CRACD: variants seen among roughly 807,000 people sequenced by gnomAD.
CRACD encodes the protein capping protein-inhibiting regulator of actin dynamics.
CRACD carries 56 observed loss-of-function variants against 106.8 expected under a neutral mutation model. That is an observed-to-expected ratio of 0.52 (90% CI 0.42 to 0.66). CRACD has a LOEUF of 0.66. Ranked by LOEUF, CRACD falls within the 30% of genes least tolerant of loss-of-function variation. CRACD has a pLI of 0.00. For synonymous variants in CRACD, 754 were observed against 670.8 expected, an observed-to-expected ratio of 1.12 and a Z score of -1.92; for missense variants, 1,730 against 1,623.2, an observed-to-expected ratio of 1.07 and a Z score of -1.13.
chr4:56,227,933 T>G (rs1051699077), intron 2 of CRACD, among the ~76,000 whole-genome samples: 1 of 152,182 alleles, frequency 6.6e-6, no homozygotes, highest in African/African-American at 2.4e-5. Context: ...GCGCTTAACC[T>G]CTACCTGTAG....
At chr4:56,225,641 T>TA (rs1739262833) in intron 2 of CRACD, among the ~76,000 whole-genome samples, 2 of 152,142 alleles carry the variant, frequency 1.3e-5, no homozygotes, top group Non-Finnish European at 2.9e-5. Context: ...AATCTTATTA[T>TA]AAAGGGAAAA....
chr4:56,184,711 G>A (rs1197091998), intron 2 of CRACD, among the ~76,000 whole-genome samples: 1 of 152,206 alleles, frequency 6.6e-6, no homozygotes, highest in Non-Finnish European at 1.5e-5. Context: ...ATTCAGGTAA[G>A]TACTCGGCTT....
chr4:56,239,887 A>T (rs2109558383), intron 2 of CRACD, among the ~76,000 whole-genome samples: 1 of 152,258 alleles, frequency 6.6e-6, no homozygotes, highest in East Asian at 1.9e-4. Flanking sequence ...GAATATGCAC[A>T]CTTTAGACAG....
intron 1 of CRACD, among the ~76,000 whole-genome samples, chr4:56,064,351 T>C (rs1732386408): frequency 6.6e-6 from 1 of 152,226 alleles, no homozygotes; most frequent in African/African-American, 2.4e-5. Flanking sequence ...TAGTTATCCA[T>C]GAATGTGAAA....
chr4:56,149,287 A>G (rs13131391), intron 1 of CRACD, among the ~76,000 whole-genome samples: 1 of 152,156 alleles, frequency 6.6e-6, no homozygotes, highest in South Asian at 2.1e-4. Flanking sequence ...CTCTGTTTCT[A>G]TCCCATTGTA....
chr4:56,294,420 A>C (rs1743871857), intron 3 of CRACD, among the ~76,000 whole-genome samples: 3 of 152,208 alleles, frequency 2.0e-5, no homozygotes. Context: ...AAACCTATCA[A>C]AATATGTACA....
intron 1 of CRACD, among the ~76,000 whole-genome samples, chr4:56,065,903 A>G (rs566613240): frequency 6.6e-6 from 1 of 152,210 alleles, no homozygotes; most frequent in East Asian, 1.9e-4. Context: ...GAATTTGCCT[A>G]TTCCTGATTC....
intron 5 of CRACD, chr4:56,309,118 C>A: frequency 2.4e-6 from 1 of 412,284 alleles, no homozygotes; most frequent in South Asian, 1.8e-5. Flanking sequence ...AAGTGAGTAA[C>A]TTGGTGGTGG....
chr4:56,074,835 C>T (rs1732782568), intron 1 of CRACD, among the ~76,000 whole-genome samples: 12 of 152,164 alleles, frequency 7.9e-5, no homozygotes, highest in Admixed American at 7.2e-4. Context: ...TCATGAATAG[C>T]TCTTATTATT....
At chr4:56,258,330 G>A (rs895049965) in intron 2 of CRACD, among the ~76,000 whole-genome samples, 1 of 152,156 alleles carries the variant, frequency 6.6e-6, no homozygotes, top group Non-Finnish European at 1.5e-5. Context: ...CCAAACCAAT[G>A]TGCACTTTTA....
intron 1 of CRACD, among the ~76,000 whole-genome samples, chr4:56,075,266 A>G (rs1329859160): frequency 6.6e-6 from 1 of 152,188 alleles, no homozygotes; most frequent in Non-Finnish European, 1.5e-5. Context: ...GAATGTTACC[A>G]GCTCCTCTTT....
In CRACD at chr4:56,307,706, C is replaced by A; in HGVS notation, c.285+7C>A. ...CTCAGACGCAGAGAACAAGGTAAGT[C>A]TCCTCCAGGGAATGACTTGATGGCT... On this transcript the variant is annotated splice_region_variant and intron_variant, in intron 5 of 10. Transcript: ENST00000682029. 1 of 1,613,924 alleles carries A rather than the reference C, an allele frequency of 6.2e-7. No homozygotes were observed. Among genetic ancestry groups the A allele is most frequent in the South Asian group, 1.1e-5 (1 of 91,046 alleles).
rs765204431 is a variant in CRACD, at chr4:56,314,212, G to C, written c.710G>C (p.Arg237Pro). 10 of 1,608,068 alleles carry C rather than the reference G, an allele frequency of 6.2e-6. No individual in the cohort carries two copies. In the South Asian group the frequency reaches 7.8e-5, roughly 12 times the overall value. The change falls in exon 8 of 11, where the codon CGG becomes CCG. Residue 237 changes from arginine (R) to proline (P), a missense_variant. Arg to Pro is a moderately radical substitution (Grantham distance 103). Transcript: ENST00000682029. The surrounding 1 kb of genome is among the most constrained non-coding windows in gnomAD (Gnocchi z 4.4). ...YWRELEAKCKRQKAEAAEKRR... is the reference protein window; with the variant it reads ...YWRELEAKCKPQKAEAAEKRR... ...CGAGAACTGGAGGCCAAGTGCAAGC[G>C]GCAAAAGGCGGAAGCAGCCGAGAAG...
chr4:56,146,562 C>A (rs1353009730), intron 1 of CRACD, among the ~76,000 whole-genome samples: 1 of 30,418 alleles, frequency 3.3e-5, no homozygotes, highest in Non-Finnish European at 4.9e-5. Context: ...AATGCTATCC[C>A]TCCCCCCTCC....
At chr4:56,162,198 TA>T (rs1735984682) in intron 1 of CRACD, among the ~76,000 whole-genome samples, 1 of 150,372 alleles carries the variant, frequency 6.7e-6, no homozygotes, top group Non-Finnish European at 1.5e-5. Flanking sequence ...TAAAAATTAT[TA>T]TTATTTTTTT....
chr4:56,117,355 T>A (rs1308764608), intron 1 of CRACD, among the ~76,000 whole-genome samples: 1 of 152,074 alleles, frequency 6.6e-6, no homozygotes, highest in Non-Finnish European at 1.5e-5. Flanking sequence ...TTTTCCATAA[T>A]GAAACTTGAG....
At chr4:56,157,669 A>C (rs1577699762) in intron 1 of CRACD, among the ~76,000 whole-genome samples, 1 of 152,204 alleles carries the variant, frequency 6.6e-6, no homozygotes, top group Non-Finnish European at 1.5e-5. Context: ...ACTATGAAAG[A>C]AAACCATATG....
At chr4:56,317,965 G>T (rs1745792567) in intron 8 of CRACD, among the ~76,000 whole-genome samples, 1 of 151,926 alleles carries the variant, frequency 6.6e-6, no homozygotes, top group Non-Finnish European at 1.5e-5. Flanking sequence ...GTAAAGTATG[G>T]GTCAAAGCCA....
rs1247635706 is a variant in CRACD, at chr4:56,195,036, T to G, written c.-189+15606T>G. On this transcript the variant is annotated intron_variant, in intron 2 of 10. Transcript: ENST00000682029. ...AAAAGTGAGATACTTTTTGTAATGT[T>G]AATAGAAAGTATTGAGTTTGATCTT... 3.3e-5 allele frequency among the ~76,000 whole-genome samples: 5 copies of G among 152,224 alleles called. No individual in the cohort carries two copies. The South Asian group carries it at 1.0e-3, about 32-fold the overall frequency.
Sources: gnomAD v4.1 joint callset for allele counts (sites outside exome capture counted in the v4.1 genomes callset) on GRCh38, gnomAD v4.1.1 for gene constraint, Gnocchi (gnomAD v3.1) non-coding constraint, MANE v1.5 for transcripts, NCBI Gene and HGNC (gene_info 2026-07-23, HGNC 2026-07-21) for gene names.